Variants in HEATR1 observed in about 807,000 individuals in gnomAD.
HEATR1 encodes HEAT repeat-containing protein 1.
Under a neutral mutation model 248.2 loss-of-function variants are expected in HEATR1, and 77 were observed. The ratio of observed to expected loss-of-function variants is 0.31; its 90% CI spans 0.26 to 0.37. The LOEUF (loss-of-function observed/expected upper bound fraction) is 0.37. Ranked by LOEUF, HEATR1 falls within the 10% of genes least tolerant of loss-of-function variation. HEATR1 has a pLI of 1.00. For synonymous variants in HEATR1, 897 were observed against 923.1 expected (o/e 0.97, Z 0.51); for missense variants, 2,420 against 2,504.9 (o/e 0.97, Z 0.72).
Position 236,550,992 on chromosome 1 carries a change from T to TAAC in HEATR1, c.6347-3_6347-2insGTT. The TAAC allele has an allele frequency of 8.0e-7, 1 of 1,254,990 alleles. No individual in the cohort carries two copies. The highest frequency in any genetic ancestry group is 1.1e-6 in the Non-Finnish European group (1 of 934,374). 77.7% of individuals were successfully genotyped at this position (1,254,990 alleles called of 1,614,324 possible). On this transcript the variant is annotated splice_polypyrimidine_tract_variant and splice_region_variant and intron_variant, in intron 44 of 44. Transcript: ENST00000366582. The stretch of plus-strand genomic sequence containing the variant: ...GATGTTCTACTTCTTCACATTCATC[T>TAAC]AAAAAAAAAAAAAAAAAATCAAAAT...
chr1:236,556,234 T>C lies in HEATR1; in HGVS notation c.5380A>G (p.Ser1794Gly). 6.2e-7 allele frequency: 1 copy of C among 1,614,158 alleles called. No individual in the cohort carries two copies. The highest frequency in any genetic ancestry group is 8.5e-7 in the Non-Finnish European group (1 of 1,180,024). Reference sequence around the variant, plus strand: ...GCCTGTGACGCAGAACCCATTTCACTAGTGATTTTCTCCAGATGAATCACC... The same window carrying C: ...GCCTGTGACGCAGAACCCATTTCACCAGTGATTTTCTCCAGATGAATCACC... The part of the protein sequence containing the change: ...SQVIHLEKIT[S>G]EMGSASQANI... Residue 1794 changes from serine to glycine, a missense_variant, in exon 38 of 45, where the codon AGT (serine) becomes GGT (glycine). Transcript: ENST00000366582.
intron 3 of HEATR1, 98 bp from the exon 4 acceptor site, chr1:236,599,722 A>C: frequency 1.8e-6 from 2 of 1,132,948 alleles, no homozygotes; most frequent in Non-Finnish European, 2.5e-6. Context: ...AAGCTAAAAC[A>C]ACCTAGAACG....
At chr1:236,597,533 G>T (rs1254956244) in intron 5 of HEATR1, among the ~76,000 whole-genome samples, 1 of 152,110 alleles carries the variant, frequency 6.6e-6, no homozygotes, top group African/African-American at 2.4e-5. Flanking sequence ...GATTACAGGC[G>T]TGAGCCACCG....
Position 236,599,600 on chromosome 1 carries a change from T to G in HEATR1, c.384A>C (p.Gln128His). ...IHRFHIHLYNQDSLIACVLPY... is the reference protein window; with the variant it reads ...IHRFHIHLYNHDSLIACVLPY... ...GCAGAACACAAGCAATGAGGCTATC[T>G]TGATTATAGAGATGTATATGGAACC... The change falls in exon 4 of 45, where the codon CAA (glutamine) becomes CAC (histidine). Residue 128 changes from glutamine (Q) to histidine (H), a missense_variant. By Grantham distance (24) the Gln-to-His change is conservative. Transcript: ENST00000366582. The G allele has an allele frequency of 6.2e-7, 1 of 1,613,106 alleles. No homozygotes were observed. The highest frequency in any genetic ancestry group is 1.3e-5 in the African/African-American group (1 of 75,016).
In HEATR1 at chr1:236,572,577, C is replaced by T. The variant is rs202078967; in HGVS notation, c.3564-23G>A. 1.6e-4 allele frequency: 265 copies of T among 1,612,776 alleles called. 1 individual carries two copies. Among genetic ancestry groups the T allele is most frequent in the East Asian group, 1.1e-4 (5 of 44,856 alleles). On this transcript the variant is annotated intron_variant, in intron 25 of 44. Transcript: ENST00000366582. ...TTTCTGGAAAATGGAGAAGACAAAA[C>T]GTTGGAAAAGCAAACTCTATCATGT...
intron 28 of HEATR1, 69 bp from the exon 29 acceptor site, chr1:236,569,193 T>C: frequency 1.5e-6 from 2 of 1,292,730 alleles, no homozygotes; most frequent in Non-Finnish European, 2.1e-6. Flanking sequence ...TTTCAAGAGA[T>C]AGCGTCTCGC....
At chr1:236,593,282 C>G (rs1664089520) in intron 9 of HEATR1, among the ~76,000 whole-genome samples, 1 of 151,594 alleles carries the variant, frequency 6.6e-6, no homozygotes. Flanking sequence ...ATTCAGTAAG[C>G]CCTTCTGTGC....
rs745869843 is a variant in HEATR1 at position 236,559,814 on chromosome 1, T to C, written c.4670A>G (p.Tyr1557Cys). ...CATGGACTGTGCAACTGCACTGATA[T>C]AGCCGAGAACGGTCTCCAGCAACCT... ...EERLLETVLG[Y>C]ISAVAQSMER... The change falls in exon 34 of 45, where the codon TAT becomes TGT. Residue 1557 changes from tyrosine to cysteine, a missense_variant. By Grantham distance (194) the Tyr-to-Cys change is radical. Coordinates refer to ENST00000366582, the MANE Select transcript of HEATR1 (RefSeq NM_018072.6). 28 of 1,612,482 alleles carry C rather than the reference T, an allele frequency of 1.7e-5. No homozygotes were observed. In the East Asian group the frequency reaches 3.8e-4, roughly 22 times the overall value.
chr1:236,551,923 C>T, intron 44 of HEATR1, 76 bp downstream of exon 44: 1 of 948,514 alleles, frequency 1.1e-6, no homozygotes, highest in South Asian at 1.4e-5. Flanking sequence ...TCTGCATTAT[C>T]ATTGGGCACA....
intron 31 of HEATR1, 82 bp from the exon 32 acceptor site, chr1:236,564,743 T>A: frequency 7.9e-7 from 1 of 1,266,684 alleles, no homozygotes; most frequent in Non-Finnish European, 1.1e-6. Context: ...ACCTTTCAAG[T>A]AAAGGACAAT....
rs375911763 is a variant in HEATR1, at chr1:236,555,926, G to A, written c.5528C>T (p.Pro1843Leu). The A allele has an allele frequency of 3.1e-5, 50 of 1,613,516 alleles. No homozygotes were observed. In the Middle Eastern group the frequency reaches 5.0e-4, roughly 16 times the overall value. ...IEKNWKNHMG[P>L]FMSILQEHIG... ...ATGCTCTTGCAAGATGCTCATAAAC[G>A]GACCCATGTGATTCTACCAATAACA... Residue 1843 changes from proline to leucine, a missense_variant, in exon 39 of 45, where the codon CCG becomes CTG. Pro to Leu is a moderately conservative substitution (Grantham distance 98, BLOSUM62 -3). Transcript: ENST00000366582.
chr1:236,569,739 T>C (rs1035754437), intron 28 of HEATR1, among the ~76,000 whole-genome samples: 3 of 152,144 alleles, frequency 2.0e-5, no homozygotes, highest in African/African-American at 7.2e-5. Context: ...ACTCCAAAGC[T>C]AAACATAAAA....
At chr1:236,557,433 A>C (rs3754246) in intron 36 of HEATR1, 88 bp from the exon 37 acceptor site, 330 of 1,379,122 alleles carry the variant, frequency 2.4e-4, no homozygotes, top group Non-Finnish European at 3.1e-4. Flanking sequence ...AAAAACCAGC[A>C]AACTGTGCCT....
intron 3 of HEATR1, among the ~76,000 whole-genome samples, chr1:236,601,136 C>A (rs998756189): frequency 6.6e-6 from 1 of 152,038 alleles, no homozygotes; most frequent in African/African-American, 2.4e-5. Context: ...TTTAAATATT[C>A]TTTGTCTGAT....
In HEATR1 at chr1:236,550,992, TAAAAAAAA is replaced by T. The variant is rs55866014; in HGVS notation, c.6347-10_6347-3del. 7,733 of 1,255,706 alleles carry T rather than the reference TAAAAAAAA, an allele frequency of 6.2e-3. 299 individuals are homozygous for T. The African/African-American group carries it at 0.1, about 17-fold the overall frequency. 77.8% of individuals were successfully genotyped at this position (1,255,706 alleles called of 1,614,324 possible). A position where few individuals can be genotyped will look rare whatever the true frequency, so the allele number is the denominator to read the frequency against. On this transcript the variant is annotated splice_polypyrimidine_tract_variant and splice_region_variant and intron_variant, in intron 44 of 44. Coordinates refer to ENST00000366582, the MANE Select transcript of HEATR1 (RefSeq NM_018072.6). Reference sequence around the variant, plus strand: ...GATGTTCTACTTCTTCACATTCATCTAAAAAAAAAAAAAAAAAATCAAAATTAAAATCT... The same window carrying T: ...GATGTTCTACTTCTTCACATTCATCTAAAAAAAAAATCAAAATTAAAATCT...
chr1:236,601,139 T>C (rs1007733074), intron 3 of HEATR1, among the ~76,000 whole-genome samples: 2 of 152,346 alleles, frequency 1.3e-5, no homozygotes, highest in East Asian at 3.9e-4. Context: ...AAATATTCTT[T>C]GTCTGATTGC....
chr1:236,566,027 C>T lies in HEATR1; in HGVS notation c.4327G>A (p.Asp1443Asn), dbSNP rs868490953. Reference protein sequence around the residue: ...YGEKDAILEADTEFWFSVCCE... With the variant: ...YGEKDAILEANTEFWFSVCCE... ...CAGACTGAAAACCAAAATTCAGTGTCTGCTTCTAAAATAGCATCCTGTGTA... is the reference window on the plus strand; with the variant it reads ...CAGACTGAAAACCAAAATTCAGTGTTTGCTTCTAAAATAGCATCCTGTGTA... The change falls in exon 31 of 45, where the codon GAC becomes AAC. Residue 1443 changes from aspartate (D) to asparagine (N), a missense_variant. Coordinates refer to ENST00000366582, the MANE Select transcript of HEATR1 (RefSeq NM_018072.6). 1 of 1,613,630 alleles carries T rather than the reference C, an allele frequency of 6.2e-7. No homozygotes were observed. Among genetic ancestry groups the T allele is most frequent in the Non-Finnish European group, 8.5e-7 (1 of 1,179,876 alleles).
chr1:236,587,071 GTTT>G (rs893443669), intron 14 of HEATR1, among the ~76,000 whole-genome samples: 2 of 152,156 alleles, frequency 1.3e-5, no homozygotes, highest in East Asian at 1.9e-4. Flanking sequence ...ATTGGTATTT[GTTT>G]TTAATTATAA....
chr1:236,573,770 G>A (rs939674920), intron 24 of HEATR1, among the ~76,000 whole-genome samples: 8 of 152,040 alleles, frequency 5.3e-5, no homozygotes, highest in Non-Finnish European at 1.2e-4. Flanking sequence ...TGGCTATTCT[G>A]ATAATAACAA....
Sources: gnomAD v4.1 joint callset for allele counts (sites outside exome capture counted in the v4.1 genomes callset) on GRCh38, gnomAD v4.1.1 for gene constraint, MANE v1.5 for transcripts, NCBI Gene and HGNC (gene_info 2026-07-23, HGNC 2026-07-21) for gene names.